Variants in PPID observed in about 807,000 individuals in gnomAD.
PPID encodes the protein peptidyl-prolyl cis-trans isomerase D.
PPID carries 47 observed loss-of-function variants against 48.1 expected under a neutral mutation model. The observed-to-expected ratio is 0.98, with a 90% CI of 0.77 to 1.25. The LOEUF (loss-of-function observed/expected upper bound fraction) is 1.25, where lower values mean the gene tolerates loss of function less well. PPID is among the 50% of genes most tolerant of loss of function. The probability of loss-of-function intolerance (pLI) is 0.00; values close to 1 mark genes in which losing one functional copy is unlikely to be tolerated. For synonymous variants in PPID, 163 were observed against 148.8 expected (o/e 1.10, Z -0.69); for missense variants, 429 against 443.5 (o/e 0.97, Z 0.29).
chr4:158,709,883 CT>C, intron 9 of PPID, 59 bp from the exon 10 acceptor site: 1 of 1,377,442 alleles, frequency 7.3e-7, no homozygotes, highest in Non-Finnish European at 1.0e-6. Context: ...ATTATGGTGA[CT>C]AACAAACTAT....
In PPID at chr4:158,713,284, A is replaced by G. The variant is rs369512718; in HGVS notation, c.753-24T>C. 11 of 1,563,198 alleles carry G rather than the reference A, an allele frequency of 7.0e-6. 1 individual carries two copies. Among genetic ancestry groups the G allele is most frequent in the Non-Finnish European group, 9.5e-6 (11 of 1,155,996 alleles). ...ATCTGCAGAATGCATTAATAAAAGC[A>G]GTATGAAAGACCACATAAACAGGAA... On this transcript the variant is annotated intron_variant, in intron 6 of 9. Transcript: ENST00000307720.
At chr4:158,722,300 A>G (rs1040124190) in intron 1 of PPID, among the ~76,000 whole-genome samples, 1 of 152,222 alleles carries the variant, frequency 6.6e-6, no homozygotes, top group Non-Finnish European at 1.5e-5. Flanking sequence ...AACCAACGGG[A>G]GAAAATTAAA....
chr4:158,715,395 T>C lies in PPID; in HGVS notation c.654A>G (p.Lys218=). Residue 218 remains lysine, a synonymous_variant, in exon 6 of 10, where the codon AAA becomes AAG. Transcript: ENST00000307720. ...TTAAGTCTTCTGTTATTAATAAAAT[T>C]TTATCTACCTGTATAAAAAAATACA... ...DADIDLKDVD[K]ILLITEDLKN... The C allele has an allele frequency of 6.6e-7, 1 of 1,505,764 alleles. No individual in the cohort carries two copies. Among genetic ancestry groups the C allele is most frequent in the Middle Eastern group, 1.9e-4 (1 of 5,206 alleles). 93.3% of individuals were successfully genotyped at this position (1,505,764 alleles called of 1,614,324 possible). A position where few individuals can be genotyped will look rare whatever the true frequency, so the allele number is the denominator to read the frequency against.
rs187121629 is a variant in PPID at position 158,717,478 on chromosome 4, G to T, written c.334-278C>A. On this transcript the variant is annotated intron_variant, in intron 3 of 9. Coordinates refer to ENST00000307720, the MANE Select transcript of PPID (RefSeq NM_005038.3). ...AAATAGGTAACAGAAACAATAGTCGGGGGGAGGGTTATTTCTAAATTGGCC... is the reference window on the plus strand; with the variant it reads ...AAATAGGTAACAGAAACAATAGTCGTGGGGAGGGTTATTTCTAAATTGGCC... Among the ~76,000 whole-genome samples the T allele has an allele frequency of 8.0e-4, 122 of 152,206 alleles. 1 individual carries two copies. The highest frequency in any genetic ancestry group is 2.9e-3 in the African/African-American group (119 of 41,524).
chr4:158,714,826 G>A (rs1774844022), intron 6 of PPID, among the ~76,000 whole-genome samples: 1 of 152,162 alleles, frequency 6.6e-6, no homozygotes, highest in African/African-American at 2.4e-5. Flanking sequence ...CCGACCTCAG[G>A]TGATCCGCCC....
At chr4:158,713,808 C>T (rs1774827896) in intron 6 of PPID, among the ~76,000 whole-genome samples, 1 of 145,446 alleles carries the variant, frequency 6.9e-6, no homozygotes, top group Admixed American at 6.8e-5. Context: ...CTAATAGGAA[C>T]ATGCCAAAGG....
intron 2 of PPID, among the ~76,000 whole-genome samples, chr4:158,719,809 C>G (rs1279522993): frequency 6.6e-6 from 1 of 152,154 alleles, no homozygotes; most frequent in East Asian, 1.9e-4. Flanking sequence ...CACTTTGTGT[C>G]AAAGGTTACC....
At position 158,719,298 on chromosome 4, in the gene PPID, G is replaced by A; in HGVS notation, c.227-12C>T. 1.3e-6 allele frequency: 2 copies of A among 1,528,260 alleles called. No individual in the cohort carries two copies. Among genetic ancestry groups the A allele is most frequent in the Non-Finnish European group, 1.8e-6 (2 of 1,103,308 alleles). 94.7% of individuals were successfully genotyped at this position (1,528,260 alleles called of 1,614,324 possible). The stretch of plus-strand genomic sequence containing the variant: ...AAATTTCTTAATAACTACAAAAAAG[G>A]AAAATGGCTATTAGTGACTGAGACA... On this transcript the variant is annotated splice_polypyrimidine_tract_variant and intron_variant, in intron 2 of 9. Transcript: ENST00000307720.
chr4:158,709,716 T>C lies in PPID; in HGVS notation c.*20A>G. The stretch of plus-strand genomic sequence containing the variant: ...TTGCATTTATACAATCAACACACAA[T>C]AAGCAAAACTGAATCCTTTCTAAGC... On this transcript the variant is annotated 3_prime_UTR_variant, in exon 10 of 10. Coordinates refer to ENST00000307720, the MANE Select transcript of PPID (RefSeq NM_005038.3). 1.3e-6 allele frequency: 2 copies of C among 1,539,558 alleles called. No homozygotes were observed. Among genetic ancestry groups the C allele is most frequent in the Non-Finnish European group, 1.8e-6 (2 of 1,117,182 alleles).
intron 6 of PPID, among the ~76,000 whole-genome samples, chr4:158,713,752 G>C (rs12500615): frequency 0.94 from 142,469 of 152,242 alleles, 67,300 homozygotes; most frequent in East Asian, 1. Context: ...CATATCAGAT[G>C]TGAAAGTAAG....
intron 2 of PPID, among the ~76,000 whole-genome samples, chr4:158,720,701 TTTTG>T (rs10580126): frequency 0.73 from 98,324 of 135,022 alleles, 33,215 homozygotes; most frequent in East Asian, 0.85. Context: ...TTATGCATTT[TTTTG>T]TTTGTTTGTT....
chr4:158,714,125 G>A (rs1469063400), intron 6 of PPID, among the ~76,000 whole-genome samples: 1 of 152,184 alleles, frequency 6.6e-6, no homozygotes, highest in African/African-American at 2.4e-5. Flanking sequence ...ATAACTGTAC[G>A]ATGATAAACT....
intron 6 of PPID, among the ~76,000 whole-genome samples, chr4:158,714,331 A>G (rs1288411084): frequency 2.0e-5 from 3 of 152,188 alleles, no homozygotes; most frequent in Admixed American, 6.5e-5. Context: ...TCAGGATGTG[A>G]TATCATAGGT....
Position 158,717,035 on chromosome 4 carries a change from C to T in PPID, c.499G>A (p.Val167Met). The T allele has an allele frequency of 6.2e-7, 1 of 1,613,654 alleles. No homozygotes were observed. Among genetic ancestry groups the T allele is most frequent in the Non-Finnish European group, 8.5e-7 (1 of 1,179,716 alleles). Residue 167 changes from valine (V) to methionine (M), a missense_variant, in exon 4 of 10, where the codon GTG becomes ATG. By Grantham distance (21) the Val-to-Met change is conservative. Coordinates refer to ENST00000307720, the MANE Select transcript of PPID (RefSeq NM_005038.3). Reference protein sequence around the residue: ...GVARILENVEVKGEKPAKLCV... With the variant: ...GVARILENVEMKGEKPAKLCV... ...ACTTTAGCAGGTTTTTCACCTTTCA[C>T]TTCCACATTTTCCAATATCCTTGCC... is the stretch of plus-strand genomic sequence containing the variant.
chr4:158,719,999 C>A (rs947637890), intron 2 of PPID, among the ~76,000 whole-genome samples: 1 of 152,152 alleles, frequency 6.6e-6, no homozygotes, highest in Admixed American at 6.5e-5. Flanking sequence ...CACACACTTC[C>A]CCCAGCAACA....
At chr4:158,717,402 C>CA (rs1273337417) in intron 3 of PPID, among the ~76,000 whole-genome samples, 3 of 151,998 alleles carry the variant, frequency 2.0e-5, no homozygotes, top group South Asian at 2.1e-4. Flanking sequence ...CTTTAATTCA[C>CA]AAAACATGGG....
chr4:158,720,876 G>A lies in PPID; in HGVS notation c.226+467C>T, dbSNP rs945880299. On this transcript the variant is annotated intron_variant, in intron 2 of 9. Transcript: ENST00000307720. ...ACTACAGGCGCCCACCATCACACCC[G>A]GCTTATTTTTTGTATTTTTAGTAGA... Among the ~76,000 whole-genome samples, 9 of 151,802 alleles carry A rather than the reference G, an allele frequency of 5.9e-5. No individual in the cohort carries two copies. In the East Asian group the frequency reaches 9.7e-4, roughly 16 times the overall value.
At chr4:158,721,685 T>G (rs941726122) in intron 1 of PPID, among the ~76,000 whole-genome samples, 3 of 152,218 alleles carry the variant, frequency 2.0e-5, no homozygotes, top group African/African-American at 7.2e-5. Context: ...TCTCTTAAAT[T>G]TATTCCCCCT....
rs1230271816 is a variant in PPID, at chr4:158,713,222, T to C, written c.791A>G (p.Asp264Gly). 25 of 1,613,930 alleles carry C rather than the reference T, an allele frequency of 1.5e-5. No individual in the cohort carries two copies. Among genetic ancestry groups the C allele is most frequent in the South Asian group, 4.4e-5 (4 of 91,060 alleles). ...AGCTATAGGTTGCAGCTTGGCTCTA[T>C]CTGCTGTCTCAATAACAGCCTTTGA... ...DSSKAVIETADRAKLQPIALS... is the reference protein window; with the variant it reads ...DSSKAVIETAGRAKLQPIALS... The change falls in exon 7 of 10, where the codon GAT becomes GGT. Residue 264 changes from aspartate to glycine, a missense_variant. Asp to Gly is a moderately conservative substitution (Grantham distance 94, BLOSUM62 -1). Transcript: ENST00000307720.
Sources: gnomAD v4.1 joint callset for allele counts (sites outside exome capture counted in the v4.1 genomes callset) on GRCh38, gnomAD v4.1.1 for gene constraint, MANE v1.5 for transcripts, NCBI Gene and HGNC (gene_info 2026-07-23, HGNC 2026-07-21) for gene names.